The following ESRRG variants were observed in gnomAD, a reference collection of about 807,000 sequenced individuals.
ESRRG encodes estrogen-related receptor gamma.
In ESRRG, 13 loss-of-function variants were observed where a neutral mutation model predicts 44.0. The observed-to-expected ratio is 0.30, with a 90% confidence interval of 0.19 to 0.47. ESRRG has a LOEUF of 0.47. Among genes scored for constraint, ESRRG ranks in the 20% least tolerant of loss-of-function variants. ESRRG has a pLI of 1.00. For synonymous variants in ESRRG, 215 were observed against 214.6 expected, an observed-to-expected ratio of 1.00 and a Z score of -0.02; for missense variants, 395 against 580.6, an observed-to-expected ratio of 0.68 and a Z score of 3.29.
chr1:217,046,145 T>G (rs1366588038), intron 1 of ESRRG, among the ~76,000 whole-genome samples: 1 of 151,230 alleles, frequency 6.6e-6, no homozygotes, highest in African/African-American at 2.4e-5. Context: ...ACTGAGAGCC[T>G]AAGCTGCACA....
chr1:216,725,366 A>G (rs2087284829), upstream of ESRRG, among the ~76,000 whole-genome samples: 1 of 152,126 alleles, frequency 6.6e-6, no homozygotes, highest in African/African-American at 2.4e-5. Flanking sequence ...TAAGATGTAA[A>G]TTTGGTTGTG....
intron 1 of ESRRG, among the ~76,000 whole-genome samples, chr1:216,986,146 G>A (rs996013737): frequency 9.2e-5 from 14 of 152,130 alleles, no homozygotes; most frequent in Admixed American, 6.5e-5. Flanking sequence ...CTTGGGTTGG[G>A]TGACCCAGGA....
rs185261202 is a variant in ESRRG at position 216,762,360 on chromosome 1, G to C, written c.-13-84869C>G. 4.1e-3 allele frequency among the ~76,000 whole-genome samples: 624 copies of C among 152,114 alleles called. 8 individuals carry two copies. The highest frequency in any genetic ancestry group is 0.015 in the African/African-American group (602 of 41,486). ...GAAAATGTGGCGCATATACACTATG[G>C]AATACTATGCAGCCATAAAAAATGA... On this transcript the variant is annotated intron_variant, in intron 2 of 7. Coordinates refer to the ESRRG transcript ENST00000359162.
chr1:216,512,128 T>G (rs981947034), intron 6 of ESRRG, among the ~76,000 whole-genome samples: 1 of 152,172 alleles, frequency 6.6e-6, no homozygotes, highest in Non-Finnish European at 1.5e-5. Context: ...CCCCAGTGAT[T>G]AATAAATTTA....
At chr1:216,864,791 C>T (rs1379016717) in intron 2 of ESRRG, 1 of 152,142 alleles carries the variant, frequency 6.6e-6, no homozygotes, top group Non-Finnish European at 1.5e-5. Context: ...AGAGGCCCAG[C>T]ATCTTGGGAG....
intron 1 of ESRRG, among the ~76,000 whole-genome samples, chr1:216,971,895 C>T (rs937353102): frequency 6.6e-6 from 1 of 152,174 alleles, no homozygotes; most frequent in Non-Finnish European, 1.5e-5. Context: ...ACGCTAATCT[C>T]TTCTAGCCTG....
chr1:216,529,018 G>A lies in ESRRG; in HGVS notation c.863-9597C>T, dbSNP rs569450957. Among the ~76,000 whole-genome samples the A allele has an allele frequency of 5.3e-5, 8 of 152,226 alleles. No individual in the cohort carries two copies. In the South Asian group the frequency reaches 1.4e-3, roughly 28 times the overall value. The stretch of plus-strand genomic sequence containing the variant: ...CTTGTCTGTTATGTCCTTTCACTGT[G>A]TCTTTACACACAGGTGTTAATGTAA... On this transcript the variant is annotated intron_variant, in intron 5 of 6. Transcript: ENST00000408911.
chr1:217,084,949 C>A (rs943582405), intron 1 of ESRRG, among the ~76,000 whole-genome samples: 1 of 151,972 alleles, frequency 6.6e-6, no homozygotes, highest in Admixed American at 6.6e-5. Flanking sequence ...TTATTCTTCA[C>A]AACTATAGGT....
intron 1 of ESRRG, among the ~76,000 whole-genome samples, chr1:216,963,050 G>T (rs775884464): frequency 1.3e-5 from 2 of 152,156 alleles, no homozygotes; most frequent in East Asian, 1.9e-4. Context: ...TTTGTGAAAG[G>T]ACAGGAAAAT....
At chr1:216,950,157 CTA>C (rs2066723145) in intron 1 of ESRRG, among the ~76,000 whole-genome samples, 1 of 152,138 alleles carries the variant, frequency 6.6e-6, no homozygotes, top group Non-Finnish European at 1.5e-5. Context: ...TATTATTTGA[CTA>C]TGTCTTCAGG....
chr1:216,519,822 A>AAG (rs1176504195), intron 5 of ESRRG, among the ~76,000 whole-genome samples: 1 of 151,060 alleles, frequency 6.6e-6, no homozygotes, highest in Non-Finnish European at 1.5e-5. Flanking sequence ...AGTAAAAAAA[A>AAG]AAAAAAGAAG....
chr1:217,090,986 C>T (rs561827648), upstream of ESRRG, among the ~76,000 whole-genome samples: 41 of 152,224 alleles, frequency 2.7e-4, no homozygotes, highest in South Asian at 8.5e-3. Context: ...CAGATTACTT[C>T]TTTTTCTAAT....
intron 1 of ESRRG, among the ~76,000 whole-genome samples, chr1:217,116,467 A>G (rs1426626689): frequency 2.6e-5 from 4 of 152,246 alleles, no homozygotes; most frequent in Non-Finnish European, 5.9e-5. Flanking sequence ...CCTACTTGAA[A>G]TACAACATGA....
At chr1:216,790,308 T>C (rs1281726780) in intron 2 of ESRRG, among the ~76,000 whole-genome samples, 1 of 152,194 alleles carries the variant, frequency 6.6e-6, no homozygotes. Flanking sequence ...GGTAGTATGA[T>C]GCTGTGGGAA....
At chr1:217,066,453 GGAT>G (rs1261698546) in intron 1 of ESRRG, among the ~76,000 whole-genome samples, 15 of 151,684 alleles carry the variant, frequency 9.9e-5, no homozygotes, top group Non-Finnish European at 1.9e-4. Flanking sequence ...GTGTTAGCCA[GGAT>G]GGTCTCGATC....
At chr1:216,548,300 C>T (rs1202134641) in intron 5 of ESRRG, among the ~76,000 whole-genome samples, 1 of 152,052 alleles carries the variant, frequency 6.6e-6, no homozygotes, top group Non-Finnish European at 1.5e-5. Flanking sequence ...AAAAATTTGT[C>T]TTGACCTCTC....
chr1:216,814,398 T>A (rs2095070966), intron 2 of ESRRG, among the ~76,000 whole-genome samples: 1 of 152,190 alleles, frequency 6.6e-6, no homozygotes, highest in Admixed American at 6.5e-5. Flanking sequence ...CTGGTCAAAA[T>A]CACTCAAATA....
rs984154691 is a variant in ESRRG, at chr1:216,677,183, G to A, written c.365C>T (p.Ser122Leu). Reference sequence around the variant, plus strand: ...CACTAAACACAGTCTCTTGGGCATCGAGTTGAGCATGTATTCACACTTGGT... The same window carrying A: ...CACTAAACACAGTCTCTTGGGCATCAAGTTGAGCATGTATTCACACTTGGT... ...PQTKCEYMLN[S>L]MPKRLCLVCG... Residue 122 changes from serine to leucine, a missense_variant, in exon 2 of 7, where the codon TCG (serine) becomes TTG (leucine). By Grantham distance (145) the Ser-to-Leu change is moderately radical. Transcript: ENST00000408911. The A allele has an allele frequency of 8.7e-6, 14 of 1,613,950 alleles. No individual in the cohort carries two copies. The highest frequency in any genetic ancestry group is 2.2e-5 in the East Asian group (1 of 44,884).
chr1:216,526,500 A>G (rs983539006), intron 5 of ESRRG, among the ~76,000 whole-genome samples: 3 of 152,180 alleles, frequency 2.0e-5, no homozygotes, highest in African/African-American at 7.2e-5. Flanking sequence ...GGACCAGACT[A>G]GCCTGCAGAG....
Sources: gnomAD v4.1 joint callset for allele counts (sites outside exome capture counted in the v4.1 genomes callset) on GRCh38, gnomAD v4.1.1 for gene constraint, MANE v1.5 for transcripts, NCBI Gene and HGNC (gene_info 2026-07-23, HGNC 2026-07-21) for gene names.